The following FN1 variants were observed in gnomAD, a reference collection of about 807,000 sequenced individuals.
The protein encoded by FN1 is fibronectin 1, also known as fibronectin.
Under a neutral mutation model 297.3 loss-of-function variants are expected in FN1, and 106 were observed. The observed-to-expected ratio is 0.36, with a 90% CI of 0.30 to 0.42. The LOEUF is 0.42. Among genes scored for constraint, FN1 ranks in the 10% least tolerant of loss-of-function variants. FN1 has a pLI of 1.00. For missense variants in FN1, 2,690 were observed against 3,124.9 expected (o/e 0.86, Z 3.32); for synonymous variants, 1,149 against 1,152.6 (o/e 1.00, Z 0.06).
Position 215,404,442 on chromosome 2 carries a change from A to G in FN1, c.3200T>C (p.Val1067Ala). 1 of 1,614,140 alleles carries G rather than the reference A, an allele frequency of 6.2e-7. No individual in the cohort carries two copies. The highest frequency in any genetic ancestry group is 2.2e-5 in the East Asian group (1 of 44,882). ...QPASEYTVSL[V>A]AIKGNQESPK... ...GCTCTCTTGGTTGCCCTTTATGGCC[A>G]CGAGGGATACGGTGTACTCAGATGC... The change falls in exon 20 of 46, where the codon GTG becomes GCG. Residue 1067 changes from valine to alanine, a missense_variant. This residue lies in a region of FN1 where 1,743 missense variants were observed against 1,945.2 expected (regional missense o/e 0.90). Coordinates refer to ENST00000354785, the MANE Select transcript of FN1 (RefSeq NM_212482.4).
In FN1 at chr2:215,399,255, AC is replaced by A. The variant is rs2060689184; in HGVS notation, c.3348+1del. On this transcript the variant is annotated splice_donor_variant, in intron 21 of 45. Coordinates refer to ENST00000354785, the MANE Select transcript of FN1 (RefSeq NM_212482.4). LOFTEE classifies it high-confidence loss of function. Reference sequence around the variant, plus strand: ...CAGAGATTAGGAACATCTGCAGTTTACCTTAAAACCAATTCTTGGAGCAGGC... The same window carrying A: ...CAGAGATTAGGAACATCTGCAGTTTACTTAAAACCAATTCTTGGAGCAGGC... The A allele has an allele frequency of 6.2e-7, 1 of 1,607,542 alleles. No homozygotes were observed. Among genetic ancestry groups the A allele is most frequent in the Non-Finnish European group, 8.5e-7 (1 of 1,174,176 alleles).
chr2:215,400,194 A>G (rs2060830753), intron 20 of FN1, among the ~76,000 whole-genome samples: 1 of 151,920 alleles, frequency 6.6e-6, no homozygotes, highest in African/African-American at 2.4e-5. Flanking sequence ...TCTCAAAAAA[A>G]GAAAAAAAAA....
intron 37 of FN1, 106 bp from the exon 38 acceptor site, chr2:215,375,499 T>C: frequency 1.6e-6 from 2 of 1,274,626 alleles, no homozygotes; most frequent in Non-Finnish European, 1.1e-6. Flanking sequence ...AATCTGAGAA[T>C]ACTGTAAACC....
At chr2:215,397,651 T>C (rs2060466192) in intron 22 of FN1, 29 bp downstream of exon 22, 1 of 1,607,342 alleles carries the variant, frequency 6.2e-7, no homozygotes, top group Non-Finnish European at 8.5e-7. Context: ...TTTTAAAAAC[T>C]AATAGAAAAG....
intron 14 of FN1, 75 bp downstream of exon 14, chr2:215,409,859 G>A: frequency 6.3e-7 from 1 of 1,593,868 alleles, no homozygotes; most frequent in South Asian, 1.1e-5. Context: ...GAATTGAGAA[G>A]GAAAGCATTG....
At chr2:215,368,136 T>A in intron 41 of FN1, 109 bp from the exon 42 acceptor site, 1 of 1,188,278 alleles carries the variant, frequency 8.4e-7, no homozygotes, top group South Asian at 1.3e-5. Flanking sequence ...AAACAAGAAT[T>A]CCAGGAGGAT....
chr2:215,433,455 T>G lies in FN1; in HGVS notation c.284A>C (p.Glu95Ala), dbSNP rs767479986. Residue 95 changes from glutamate (E) to alanine (A), a missense_variant, in exon 3 of 46, where the codon GAG (glutamate) becomes GCG (alanine). Around this residue, in one of 3 missense-constraint regions of FN1, gnomAD observed 876 missense variants for 1,058.1 expected, o/e 0.83. Coordinates refer to ENST00000354785, the MANE Select transcript of FN1 (RefSeq NM_212482.4). ...CCCAGTGTACTTGTCAAAGCAAGTC[T>G]CTTCAGCTGAGGGGAAAAGGAAAGT... The part of the protein sequence containing the change: ...FNCESKPEAE[E>A]TCFDKYTGNT... The G allele has an allele frequency of 1.2e-6, 2 of 1,613,952 alleles. No individual in the cohort carries two copies. Among genetic ancestry groups the G allele is most frequent in the South Asian group, 2.2e-5 (2 of 91,070 alleles).
chr2:215,381,242 T>C (rs373326806), intron 32 of FN1, 162 bp from the exon 33 acceptor site: 2 of 711,322 alleles, frequency 2.8e-6, no homozygotes. Flanking sequence ...TTAATTTTTC[T>C]TGGTTTAGAA....
Position 215,431,968 on chromosome 2 carries a change from T to G in FN1, c.416-4A>C. On this transcript the variant is annotated splice_polypyrimidine_tract_variant and splice_region_variant and intron_variant, in intron 3 of 45. Coordinates refer to ENST00000354785, the MANE Select transcript of FN1 (RefSeq NM_212482.4). ...TGACCCCCTTCATGGCAGCGGTCTGTTGAAGATACAACGAAAATGTTAGGA... is the reference window on the plus strand; with the variant it reads ...TGACCCCCTTCATGGCAGCGGTCTGGTGAAGATACAACGAAAATGTTAGGA... The G allele has an allele frequency of 1.2e-6, 2 of 1,614,126 alleles. No individual in the cohort carries two copies. Among genetic ancestry groups the G allele is most frequent in the Non-Finnish European group, 1.7e-6 (2 of 1,179,994 alleles).
In FN1 at chr2:215,410,052, G is replaced by A. The variant is rs2106303115; in HGVS notation, c.2004C>T (p.Ile668=). ...TIPGHLNSYT[I]KGLKPGVVYE... ...ATACCACACCAGGCTTCAGGCCTTT[G>A]ATGGTGTAGGAGTTTAAGTGGCCTG... The change falls in exon 14 of 46, where the codon ATC becomes ATT. Residue 668 remains isoleucine, a synonymous_variant. Coordinates refer to ENST00000354785, the MANE Select transcript of FN1 (RefSeq NM_212482.4). 1 of 1,614,084 alleles carries A rather than the reference G, an allele frequency of 6.2e-7. No homozygotes were observed. Among genetic ancestry groups the A allele is most frequent in the African/African-American group, 1.3e-5 (1 of 75,000 alleles).
chr2:215,370,567 AAG>A (rs869144428), intron 40 of FN1, 135 bp from the exon 41 acceptor site: 1 of 785,506 alleles, frequency 1.3e-6, no homozygotes. Context: ...AAAAAAAAAA[AAG>A]AGGGAGGGTA....
intron 42 of FN1, 29 bp from the exon 43 acceptor site, chr2:215,365,659 A>T: frequency 6.2e-7 from 1 of 1,612,952 alleles, no homozygotes. Context: ...TCAGGACCAA[A>T]AAGTTATTTG....
intron 35 of FN1, among the ~76,000 whole-genome samples, chr2:215,377,108 G>C (rs867523100): frequency 7.0e-6 from 1 of 143,456 alleles, no homozygotes; most frequent in African/African-American, 2.6e-5. Context: ...GTGTGTGTGT[G>C]TGTCTAATAT....
chr2:215,415,149 AATT>A (rs1313262026), intron 12 of FN1, among the ~76,000 whole-genome samples, 191 bp from the exon 13 acceptor site: 1 of 152,210 alleles, frequency 6.6e-6, no homozygotes, highest in Non-Finnish European at 1.5e-5. Flanking sequence ...TTTAGCCGAT[AATT>A]ATTATTCTTC....
At chr2:215,378,389 C>G in intron 34 of FN1, 127 bp from the exon 35 acceptor site, 1 of 695,226 alleles carries the variant, frequency 1.4e-6, no homozygotes, top group South Asian at 1.5e-5. Flanking sequence ...AAACCCACAA[C>G]CTTGAAAATT....
rs2062047847 is a variant in FN1, at chr2:215,408,156, C to T, written c.2470G>A (p.Asp824Asn). 6.2e-7 allele frequency: 1 copy of T among 1,614,090 alleles called. No homozygotes were observed. The highest frequency in any genetic ancestry group is 8.5e-7 in the Non-Finnish European group (1 of 1,180,028). The change falls in exon 17 of 46, where the codon GAC (aspartate) becomes AAC (asparagine). Residue 824 changes from aspartate to asparagine, a missense_variant. Around this residue, in one of 3 missense-constraint regions of FN1, gnomAD observed 876 missense variants for 1,058.1 expected, o/e 0.83. Coordinates refer to ENST00000354785, the MANE Select transcript of FN1 (RefSeq NM_212482.4). ...CTCCAGCGAACAACAATTGAGGTGT[C>T]ATCAACTTGGTCCACAGTCGTGTCA... ...PPDTTVDQVD[D>N]TSIVVRWSRP...
rs2054969603 is a variant in FN1 at position 215,367,932 on chromosome 2, C to T, written c.6949G>A (p.Glu2317Lys). 6.2e-7 allele frequency: 1 copy of T among 1,613,946 alleles called. No individual in the cohort carries two copies. Among genetic ancestry groups the T allele is most frequent in the Admixed American group, 1.7e-5 (1 of 60,014 alleles). Residue 2317 changes from glutamate (E) to lysine (K), a missense_variant, in exon 42 of 46, where the codon GAA becomes AAA. Glu to Lys is a moderately conservative substitution (Grantham distance 56, BLOSUM62 1). Coordinates refer to ENST00000354785, the MANE Select transcript of FN1 (RefSeq NM_212482.4). ...AVGDEWERMS[E>K]SGFKLLCQCL... ...TGGCACAACAGTTTAAAGCCTGATTCAGACATTCGTTCCCACTCATCTCCA... is the reference window on the plus strand; with the variant it reads ...TGGCACAACAGTTTAAAGCCTGATTTAGACATTCGTTCCCACTCATCTCCA...
chr2:215,406,813 A>C (rs2061835826), intron 18 of FN1, among the ~76,000 whole-genome samples: 1 of 152,210 alleles, frequency 6.6e-6, no homozygotes, highest in African/African-American at 2.4e-5. Flanking sequence ...CTTTGAAATA[A>C]CTGCAGAAAA....
Position 215,407,333 on chromosome 2 carries a change from T to G in FN1, c.2519-12A>C. On this transcript the variant is annotated splice_polypyrimidine_tract_variant and intron_variant, in intron 17 of 45. Coordinates refer to ENST00000354785, the MANE Select transcript of FN1 (RefSeq NM_212482.4). ...GACTATTCTGTACCCTGCAGATTCA[T>G]GAGCAAAAGTAAGATGCACTGTTTT... 1 of 1,611,000 alleles carries G rather than the reference T, an allele frequency of 6.2e-7. No homozygotes were observed. Among genetic ancestry groups the G allele is most frequent in the Non-Finnish European group, 8.5e-7 (1 of 1,177,158 alleles).
Sources: gnomAD v4.1 joint callset for allele counts (sites outside exome capture counted in the v4.1 genomes callset) on GRCh38, gnomAD v4.1.1 for gene constraint, gnomAD v4.1.1 regional missense constraint, MANE v1.5 for transcripts, NCBI Gene and HGNC (gene_info 2026-07-23, HGNC 2026-07-21) for gene names.